Variants in ARHGAP6 observed in about 807,000 individuals in gnomAD.
The protein encoded by ARHGAP6 is Rho GTPase activating protein 6.
Under a neutral mutation model 55.7 loss-of-function variants are expected in ARHGAP6, and 16 were observed. That is an observed-to-expected ratio of 0.29 (90% CI 0.19 to 0.44). The LOEUF is 0.44. Among genes scored for constraint, ARHGAP6 ranks in the 20% least tolerant of loss-of-function variants. The probability of loss-of-function intolerance (pLI) is 1.00; values close to 1 mark genes in which losing one functional copy is unlikely to be tolerated. For synonymous variants in ARHGAP6, 382 were observed against 360.9 expected (o/e 1.06, Z -0.66); for missense variants, 698 against 808.9 (o/e 0.86, Z 1.66).
At chrX:11,552,599 T>C (rs563384602) in intron 1 of ARHGAP6, among the ~76,000 whole-genome samples, 908 of 47,985 alleles carry the variant, frequency 0.019, 7 homozygotes, top group Middle Eastern at 0.029. Flanking sequence ...TATATATATA[T>C]AGACACACAC....
intron 1 of ARHGAP6, among the ~76,000 whole-genome samples, chrX:11,642,495 T>C (rs2052485041): frequency 8.9e-6 from 1 of 111,925 alleles, no homozygotes; most frequent in African/African-American, 3.2e-5. Context: ...AGAATGTTCA[T>C]AGCAGTATTA....
At chrX:11,174,616 C>CTCTTTCTTT (rs2046162587) in intron 8 of ARHGAP6, among the ~76,000 whole-genome samples, 3 of 65,005 alleles carry the variant, frequency 4.6e-5, no homozygotes, top group Non-Finnish European at 6.0e-5. Flanking sequence ...TTCTTTCTTT[C>CTCTTTCTTT]TCTTTCTTTT....
chrX:11,639,684 T>A (rs1191858660), intron 1 of ARHGAP6, among the ~76,000 whole-genome samples: 1 of 110,717 alleles, frequency 9.0e-6, no homozygotes, highest in African/African-American at 3.3e-5. Flanking sequence ...ACAGTATATA[T>A]CTGTGAGAGA....
chrX:11,462,838 C>T (rs1394800554), intron 1 of ARHGAP6, among the ~76,000 whole-genome samples: 1 of 112,408 alleles, frequency 8.9e-6, no homozygotes, highest in Non-Finnish European at 1.9e-5. Context: ...AAAACTGGAC[C>T]TCTGCCAGCA....
In ARHGAP6 at chrX:11,178,267, G is replaced by A. The variant is rs2089701190; in HGVS notation, c.1481-19C>T. The A allele has an allele frequency of 1.0e-5, 12 of 1,185,900 alleles. No homozygotes were observed. Among genetic ancestry groups the A allele is most frequent in the Non-Finnish European group, 1.4e-5 (12 of 882,893 alleles). ...TCCAACACTAAGCAAGGCAAAAAGA[G>A]GTACTCAAATAAAAGGGGAGCCCAT... On this transcript the variant is annotated intron_variant, in intron 7 of 12. Coordinates refer to ENST00000337414, the MANE Select transcript of ARHGAP6 (RefSeq NM_013427.3).
intron 9 of ARHGAP6, among the ~76,000 whole-genome samples, chrX:11,160,848 A>T (rs2045933533): frequency 8.9e-6 from 1 of 111,869 alleles, no homozygotes; most frequent in Admixed American, 9.5e-5. Flanking sequence ...CCATGGTACC[A>T]TTTTGGCTTG....
chrX:11,268,758 C>A (rs986713536), intron 1 of ARHGAP6, among the ~76,000 whole-genome samples: 1 of 111,266 alleles, frequency 9.0e-6, no homozygotes, highest in African/African-American at 3.3e-5. Flanking sequence ...CTAGTGTAGT[C>A]CCCTGCCCTT....
intron 1 of ARHGAP6, among the ~76,000 whole-genome samples, chrX:11,583,773 A>G (rs11482417): frequency 0.17 from 17,689 of 106,563 alleles, 1,244 homozygotes; most frequent in Middle Eastern, 0.28. Context: ...AAGATGGAGG[A>G]AAAAAAAACA....
intron 1 of ARHGAP6, among the ~76,000 whole-genome samples, chrX:11,487,368 T>C (rs1244311587): frequency 1.8e-5 from 2 of 111,315 alleles, no homozygotes; most frequent in East Asian, 5.7e-4. Flanking sequence ...GCAAGAAAGG[T>C]ACGAGGTGAG....
chrX:11,506,661 C>T (rs1157183391), intron 1 of ARHGAP6, among the ~76,000 whole-genome samples: 1 of 111,721 alleles, frequency 9.0e-6, no homozygotes, highest in African/African-American at 3.3e-5. Context: ...TGGGTTGGTT[C>T]CAAGTCTTTG....
intron 1 of ARHGAP6, among the ~76,000 whole-genome samples, chrX:11,466,910 G>T (rs1246199718): frequency 8.9e-6 from 1 of 112,296 alleles, no homozygotes; most frequent in South Asian, 3.7e-4. Flanking sequence ...GTTGGATAAT[G>T]TATTTTAAAG....
intron 10 of ARHGAP6, among the ~76,000 whole-genome samples, chrX:11,150,776 G>A (rs947812521): frequency 4.5e-5 from 5 of 111,946 alleles, no homozygotes; most frequent in Admixed American, 2.8e-4. Context: ...GTGACAGAGC[G>A]AGACCCTGTC....
intron 1 of ARHGAP6, among the ~76,000 whole-genome samples, chrX:11,430,936 A>C (rs2147788525): frequency 9.0e-6 from 1 of 111,594 alleles, no homozygotes; most frequent in South Asian, 3.8e-4. Context: ...ACACTTTATA[A>C]ATATTTTTAA....
At chrX:11,344,678 C>CAAAAAAAAAAAAAAAAAAAA (rs34123570) in intron 1 of ARHGAP6, among the ~76,000 whole-genome samples, 9 of 28,269 alleles carry the variant, frequency 3.2e-4, no homozygotes, top group Admixed American at 5.7e-4. Context: ...AACTCCATCA[C>CAAAAAAAAAAAAAAAAAAAA]AAAAAAAAAA....
chrX:11,528,251 T>C (rs977829315), intron 1 of ARHGAP6, among the ~76,000 whole-genome samples: 3 of 112,277 alleles, frequency 2.7e-5, no homozygotes, highest in African/African-American at 9.7e-5. Flanking sequence ...TAAACTACAC[T>C]GAGCTATTGA....
At chrX:11,529,363 T>C (rs1328698873) in intron 1 of ARHGAP6, among the ~76,000 whole-genome samples, 1 of 112,299 alleles carries the variant, frequency 8.9e-6, no homozygotes, top group Non-Finnish European at 1.9e-5. Context: ...TGCAGAATCA[T>C]ACTTTTGTAA....
At chrX:11,590,022 G>A (rs972981027) in intron 1 of ARHGAP6, among the ~76,000 whole-genome samples, 10 of 111,576 alleles carry the variant, frequency 9.0e-5, no homozygotes, top group African/African-American at 3.3e-4. Context: ...GAGAACTTGA[G>A]ACAGAAGTGA....
chrX:11,140,971 A>C (rs1046935228), intron 12 of ARHGAP6, among the ~76,000 whole-genome samples: 1 of 111,694 alleles, frequency 9.0e-6, no homozygotes, highest in African/African-American at 3.3e-5. Flanking sequence ...TTACAAAGAA[A>C]CAAATGATAG....
At chrX:11,426,811 CT>C (rs2049884833) in intron 1 of ARHGAP6, among the ~76,000 whole-genome samples, 1 of 109,142 alleles carries the variant, frequency 9.2e-6, no homozygotes, top group South Asian at 4.0e-4. Flanking sequence ...ATCTTGACTC[CT>C]TCTTCAAAGA....
Sources: gnomAD v4.1 joint callset for allele counts (sites outside exome capture counted in the v4.1 genomes callset) on GRCh38, gnomAD v4.1.1 for gene constraint, MANE v1.5 for transcripts, NCBI Gene and HGNC (gene_info 2026-07-23, HGNC 2026-07-21) for gene names.